The following SPAG16 variants were observed in gnomAD, a reference collection of about 807,000 sequenced individuals.
SPAG16 encodes sperm-associated antigen 16 protein.
Under a neutral mutation model 80.4 loss-of-function variants are expected in SPAG16, and 86 were observed. The observed-to-expected ratio is 1.07, with a 90% CI of 0.90 to 1.28. The LOEUF is 1.28. Ranked by LOEUF, SPAG16 falls within the 50% of genes most tolerant of loss-of-function variation. The pLI, the probability that SPAG16 is intolerant of heterozygous loss-of-function variation, is 0.00. For missense variants in SPAG16, 870 were observed against 765.3 expected (o/e 1.14, Z -1.61); for synonymous variants, 294 against 265.9 (o/e 1.11, Z -1.03).
chr2:213,804,606 C>G (rs1372130089), intron 10 of SPAG16, among the ~76,000 whole-genome samples: 2 of 152,148 alleles, frequency 1.3e-5, no homozygotes, highest in African/African-American at 4.8e-5. Context: ...TGGCGTGAAC[C>G]CTGGAGGCGG....
At chr2:214,352,162 T>TTGGG (rs1360160691) in intron 15 of SPAG16, among the ~76,000 whole-genome samples, 9 of 152,222 alleles carry the variant, frequency 5.9e-5, no homozygotes, top group African/African-American at 2.2e-4. Flanking sequence ...AGGTCCCACC[T>TTGGG]CTTAATACCA....
intron 15 of SPAG16, among the ~76,000 whole-genome samples, chr2:214,333,789 TTGAA>T (rs1697092210): frequency 1.3e-5 from 2 of 152,098 alleles, no homozygotes; most frequent in African/African-American, 4.8e-5. Context: ...ATTCAGGGCT[TTGAA>T]TGGGAAGAAA....
intron 15 of SPAG16, among the ~76,000 whole-genome samples, chr2:214,353,044 C>T (rs1698528866): frequency 6.6e-6 from 1 of 152,030 alleles, no homozygotes; most frequent in Non-Finnish European, 1.5e-5. Context: ...GTGTAACTTG[C>T]TGCCCTTTCT....
intron 10 of SPAG16, among the ~76,000 whole-genome samples, chr2:213,632,462 T>G (rs1311593330): frequency 6.6e-6 from 1 of 152,154 alleles, no homozygotes; most frequent in Non-Finnish European, 1.5e-5. Flanking sequence ...GACCTTTATA[T>G]CTTTCTTTTG....
chr2:214,339,043 C>T (rs1697489699), intron 15 of SPAG16, among the ~76,000 whole-genome samples: 1 of 152,156 alleles, frequency 6.6e-6, no homozygotes, highest in Non-Finnish European at 1.5e-5. Flanking sequence ...TATTCAACCA[C>T]AGCAATCAGA....
intron 10 of SPAG16, among the ~76,000 whole-genome samples, chr2:213,815,126 G>A (rs2072440504): frequency 6.6e-6 from 1 of 152,014 alleles, no homozygotes; most frequent in African/African-American, 2.4e-5. Flanking sequence ...GATATTCTGG[G>A]CAATCAAGTT....
intron 10 of SPAG16, among the ~76,000 whole-genome samples, chr2:213,709,119 G>A (rs1486328811): frequency 1.7e-4 from 26 of 152,134 alleles, no homozygotes; most frequent in Admixed American, 1.6e-3. Flanking sequence ...TATTTTGTCA[G>A]TGCACCATTG....
At chr2:213,878,916 G>A (rs564670624) in intron 11 of SPAG16, among the ~76,000 whole-genome samples, 1 of 151,952 alleles carries the variant, frequency 6.6e-6, no homozygotes, top group Non-Finnish European at 1.5e-5. Context: ...CCTTTCCCCA[G>A]TGCATGTTTT....
At chr2:213,717,955 A>G (rs1394704095) in intron 10 of SPAG16, among the ~76,000 whole-genome samples, 3 of 152,164 alleles carry the variant, frequency 2.0e-5, no homozygotes, top group African/African-American at 7.2e-5. Flanking sequence ...CTTCATGACT[A>G]AAACACGAAA....
At chr2:213,983,634 A>G (rs1457817250) in intron 12 of SPAG16, among the ~76,000 whole-genome samples, 2 of 152,008 alleles carry the variant, frequency 1.3e-5, no homozygotes, top group South Asian at 2.1e-4. Flanking sequence ...TCTACAAACA[A>G]TATGAGTTTT....
At chr2:214,053,579 A>C (rs1216438138) in intron 13 of SPAG16, among the ~76,000 whole-genome samples, 1 of 152,224 alleles carries the variant, frequency 6.6e-6, no homozygotes, top group African/African-American at 2.4e-5. Flanking sequence ...CAATTCACTC[A>C]ACAGGTAATT....
At chr2:214,345,010 C>A (rs950646024) in intron 15 of SPAG16, among the ~76,000 whole-genome samples, 2 of 152,044 alleles carry the variant, frequency 1.3e-5, no homozygotes, top group Admixed American at 1.3e-4. Context: ...TATTGCATGC[C>A]TATTATATTC....
intron 9 of SPAG16, among the ~76,000 whole-genome samples, chr2:213,392,797 G>A (rs1320311918): frequency 6.6e-6 from 1 of 151,662 alleles, no homozygotes; most frequent in African/African-American, 2.4e-5. Flanking sequence ...AGTGAGCCGA[G>A]ATTGCACTAC....
intron 15 of SPAG16, among the ~76,000 whole-genome samples, chr2:214,394,155 G>T (rs1180728388): frequency 6.6e-6 from 1 of 152,040 alleles, no homozygotes; most frequent in Non-Finnish European, 1.5e-5. Context: ...CTTTGTCTCT[G>T]TCTCTTTCTG....
rs187217193 is a variant in SPAG16 at position 213,885,278 on chromosome 2, T to C, written c.1214+22650T>C. 5.1e-3 allele frequency among the ~76,000 whole-genome samples: 781 copies of C among 152,306 alleles called. 3 individuals are homozygous for C. Among genetic ancestry groups the C allele is most frequent in the Non-Finnish European group, 8.8e-3 (598 of 68,016 alleles). On this transcript the variant is annotated intron_variant, in intron 11 of 15. Coordinates refer to ENST00000331683, the MANE Select transcript of SPAG16 (RefSeq NM_024532.5). Reference sequence around the variant, plus strand: ...TTGGGCTTTCATCCAGAAGATAGCATTTATTAGTAATGACCAGTAGATATG... The same window carrying C: ...TTGGGCTTTCATCCAGAAGATAGCACTTATTAGTAATGACCAGTAGATATG...
intron 12 of SPAG16, among the ~76,000 whole-genome samples, chr2:214,007,225 T>G (rs1353918119): frequency 3.3e-5 from 5 of 152,150 alleles, no homozygotes; most frequent in Admixed American, 6.5e-5. Flanking sequence ...TTTAGTCTAA[T>G]TAATGGAAGA....
intron 12 of SPAG16, among the ~76,000 whole-genome samples, chr2:213,942,165 C>G (rs535150074): frequency 3.9e-5 from 6 of 152,184 alleles, no homozygotes; most frequent in African/African-American, 1.2e-4. Flanking sequence ...CTGTCAAAAC[C>G]CCAACTCTGG....
chr2:213,558,042 A>C lies in SPAG16; in HGVS notation c.1070+67952A>C, dbSNP rs368132304. Among the ~76,000 whole-genome samples, 9 of 152,290 alleles carry C rather than the reference A, an allele frequency of 5.9e-5. No homozygotes were observed. The South Asian group carries it at 1.9e-3, about 32-fold the overall frequency. Reference sequence around the variant, plus strand: ...TGTAAGCAATTTTTTTAAAAACAGCATTTCAGAGGAACAGATTAGATAGTG... The same window carrying C: ...TGTAAGCAATTTTTTTAAAAACAGCCTTTCAGAGGAACAGATTAGATAGTG... On this transcript the variant is annotated intron_variant, in intron 10 of 15. Coordinates refer to ENST00000331683, the MANE Select transcript of SPAG16 (RefSeq NM_024532.5).
chr2:213,563,530 G>C (rs112694209), intron 10 of SPAG16, among the ~76,000 whole-genome samples: 5 of 152,124 alleles, frequency 3.3e-5, no homozygotes, highest in African/African-American at 1.2e-4. Flanking sequence ...CTTCTTTCTG[G>C]GCTCTCACAT....
Sources: allele counts gnomAD v4.1 joint callset (sites outside exome capture counted in the v4.1 genomes callset), GRCh38; gene constraint gnomAD v4.1.1; transcripts MANE v1.5; gene names NCBI Gene and HGNC (gene_info 2026-07-23, HGNC 2026-07-21).